PTPRT: variants seen among roughly 807,000 people sequenced by gnomAD.
PTPRT encodes the protein receptor-type tyrosine-protein phosphatase T.
In PTPRT, 56 loss-of-function variants were observed where a neutral mutation model predicts 176.8. The observed-to-expected ratio is 0.32, with a 90% CI of 0.26 to 0.40. PTPRT has a LOEUF of 0.40. Ranked by LOEUF, PTPRT falls within the 10% of genes least tolerant of loss-of-function variation. The pLI, the probability that PTPRT is intolerant of heterozygous loss-of-function variation, is 1.00. For missense variants in PTPRT, 1,540 were observed against 1,908.2 expected (o/e 0.81, Z 3.60); for synonymous variants, 783 against 739.0 (o/e 1.06, Z -0.96).
At chr20:43,116,358 A>C (rs1027221224) in intron 1 of PTPRT, among the ~76,000 whole-genome samples, 1 of 152,196 alleles carries the variant, frequency 6.6e-6, no homozygotes, top group African/African-American at 2.4e-5. Context: ...ATTAAATGAG[A>C]TCAGGCAAGC....
chr20:42,286,646 G>A (rs541835982), intron 12 of PTPRT, among the ~76,000 whole-genome samples: 2 of 151,752 alleles, frequency 1.3e-5, no homozygotes, highest in Admixed American at 1.3e-4. Context: ...GAAAACATAA[G>A]GGAAATGGTC....
chr20:42,414,204 A>G (rs1242262163), intron 9 of PTPRT, among the ~76,000 whole-genome samples: 1 of 152,232 alleles, frequency 6.6e-6, no homozygotes, highest in Non-Finnish European at 1.5e-5. Flanking sequence ...ATCAGTAGAT[A>G]TTGACAAGGG....
intron 1 of PTPRT, among the ~76,000 whole-genome samples, chr20:43,083,331 T>TATATATAC (rs2011497738): frequency 2.1e-5 from 2 of 94,152 alleles, no homozygotes; most frequent in Admixed American, 2.1e-4. Context: ...TATATATATA[T>TATATATAC]ATATATATAT....
At position 42,706,115 on chromosome 20, in the gene PTPRT, A is replaced by C. The variant is rs182260311; in HGVS notation, c.860-27956T>G. ...GGAGGAGGGAGACTCCAGGTCATGT[A>C]TGTCTGTCTGTCTGTGTCTGTCTGT... is the stretch of plus-strand genomic sequence containing the variant. On this transcript the variant is annotated intron_variant, in intron 6 of 30. Coordinates refer to ENST00000373187, the MANE Select transcript of PTPRT (RefSeq NM_007050.6). 3.1e-4 allele frequency among the ~76,000 whole-genome samples: 47 copies of C among 149,604 alleles called. 1 individual carries two copies. The highest frequency in any genetic ancestry group is 1.3e-3 in the South Asian group (6 of 4,700).
At chr20:42,468,363 C>T (rs925249107) in intron 8 of PTPRT, among the ~76,000 whole-genome samples, 1 of 152,196 alleles carries the variant, frequency 6.6e-6, no homozygotes, top group African/African-American at 2.4e-5. Flanking sequence ...AGAAGTGGTG[C>T]TTCCTCTCTC....
At chr20:42,530,375 C>T (rs905604645) in intron 7 of PTPRT, among the ~76,000 whole-genome samples, 2 of 152,212 alleles carry the variant, frequency 1.3e-5, no homozygotes, top group African/African-American at 4.8e-5. Context: ...AATGTGGCTC[C>T]TATCCATAAG....
intron 15 of PTPRT, among the ~76,000 whole-genome samples, chr20:42,216,493 T>C (rs961334876): frequency 2.0e-5 from 3 of 152,228 alleles, no homozygotes; most frequent in African/African-American, 7.2e-5. Flanking sequence ...CGTGATAGGG[T>C]AGGCCTTGCT....
At chr20:42,700,391 A>C (rs1200170552) in intron 6 of PTPRT, among the ~76,000 whole-genome samples, 1 of 152,060 alleles carries the variant, frequency 6.6e-6, no homozygotes, top group African/African-American at 2.4e-5. Flanking sequence ...TGTGGTATAA[A>C]AGGATCTGAC....
chr20:42,618,490 T>C lies in PTPRT; in HGVS notation c.1153+59376A>G, dbSNP rs1307038508. Reference sequence around the variant, plus strand: ...TGCAGAGCTGAGTTCAATTCCTGGGTATCCTTGTTGACTTTCTGTCCGTTG... The same window carrying C: ...TGCAGAGCTGAGTTCAATTCCTGGGCATCCTTGTTGACTTTCTGTCCGTTG... On this transcript the variant is annotated intron_variant, in intron 7 of 30. Coordinates refer to ENST00000373187, the MANE Select transcript of PTPRT (RefSeq NM_007050.6). 2.2e-5 allele frequency among the ~76,000 whole-genome samples: 3 copies of C among 134,900 alleles called. No individual in the cohort carries two copies. The East Asian group carries it at 5.9e-4, about 27-fold the overall frequency. The allele number at this position is 134,900 out of a possible 152,430, so 88.5% of individuals were successfully genotyped here.
At chr20:42,810,758 G>A (rs2077686853) in intron 2 of PTPRT, among the ~76,000 whole-genome samples, 2 of 152,136 alleles carry the variant, frequency 1.3e-5, no homozygotes, top group Admixed American at 6.5e-5. Flanking sequence ...CCACCCAAAA[G>A]GGGAAAATCA....
chr20:42,304,762 A>G (rs1314271980), intron 12 of PTPRT, among the ~76,000 whole-genome samples: 1 of 152,230 alleles, frequency 6.6e-6, no homozygotes, highest in African/African-American at 2.4e-5. Context: ...TTGATATAAG[A>G]GGGACTAATT....
intron 1 of PTPRT, among the ~76,000 whole-genome samples, chr20:43,154,118 A>G (rs2014447417): frequency 6.6e-6 from 1 of 152,208 alleles, no homozygotes; most frequent in African/African-American, 2.4e-5. Context: ...ATAAAAGCAT[A>G]AAATTGTTTT....
intron 6 of PTPRT, among the ~76,000 whole-genome samples, chr20:42,699,706 T>C (rs1156823026): frequency 2.0e-5 from 3 of 152,128 alleles, no homozygotes; most frequent in South Asian, 2.1e-4. Context: ...ATCATGTCTG[T>C]GTCTTTTTCC....
chr20:42,557,936 T>C (rs2072888160), intron 7 of PTPRT, among the ~76,000 whole-genome samples: 1 of 152,202 alleles, frequency 6.6e-6, no homozygotes, highest in Non-Finnish European at 1.5e-5. Context: ...GTTAAATGAA[T>C]GAATTACTTG....
At chr20:42,876,575 A>G (rs943889002) in intron 2 of PTPRT, among the ~76,000 whole-genome samples, 14 of 152,158 alleles carry the variant, frequency 9.2e-5, no homozygotes, top group African/African-American at 3.4e-4. Context: ...CATCCTGACC[A>G]AAGCCTCGTC....
chr20:42,781,144 C>G (rs2077209552), intron 3 of PTPRT, among the ~76,000 whole-genome samples: 1 of 150,164 alleles, frequency 6.7e-6, no homozygotes, highest in Non-Finnish European at 1.5e-5. Context: ...TAGCCTGGAC[C>G]TCTGCTTTTC....
intron 13 of PTPRT, among the ~76,000 whole-genome samples, chr20:42,277,461 T>C (rs546927882): frequency 4.6e-5 from 7 of 152,128 alleles, no homozygotes; most frequent in South Asian, 4.2e-4. Flanking sequence ...GCCAGAGTGG[T>C]TCCACCCAAT....
intron 1 of PTPRT, among the ~76,000 whole-genome samples, chr20:43,157,917 T>C (rs928859606): frequency 6.6e-6 from 1 of 152,088 alleles, no homozygotes; most frequent in Non-Finnish European, 1.5e-5. Flanking sequence ...CAACAAAAAC[T>C]GTGGTTTTGC....
intron 7 of PTPRT, among the ~76,000 whole-genome samples, chr20:42,577,923 CTGTGTGTGTGTGTGTGTGTGTG>C (rs777761268): frequency 1.8e-5 from 2 of 111,270 alleles, no homozygotes; most frequent in African/African-American, 3.8e-5. Flanking sequence ...CTGAGCGAGG[CTGTGTGTGTGTGTGTGTGTGTG>C]TGTGTGTGTG....
Sources: gnomAD v4.1 joint callset for allele counts (sites outside exome capture counted in the v4.1 genomes callset) on GRCh38, gnomAD v4.1.1 for gene constraint, MANE v1.5 for transcripts, NCBI Gene and HGNC (gene_info 2026-07-23, HGNC 2026-07-21) for gene names.